The following SLC52A3 variants were observed in gnomAD, a reference collection of about 807,000 sequenced individuals.
SLC52A3 encodes the protein solute carrier family 52 member 3.
A neutral mutation model predicts 29.5 loss-of-function variants in SLC52A3; 20 were observed. That is an observed-to-expected ratio of 0.68 (90% CI 0.48 to 0.99). SLC52A3 has a LOEUF of 0.99. Among genes scored for constraint, SLC52A3 ranks in the 50% least tolerant of loss-of-function variants. The pLI, the probability that SLC52A3 is intolerant of heterozygous loss-of-function variation, is 0.00. For missense variants in SLC52A3, 548 were observed against 612.9 expected (o/e 0.89, Z 1.12); for synonymous variants, 301 against 271.0 (o/e 1.11, Z -1.09).
upstream of SLC52A3, among the ~76,000 whole-genome samples, chr20:772,405 G>A (rs908357017): frequency 1.3e-5 from 2 of 152,218 alleles, no homozygotes; most frequent in African/African-American, 4.8e-5. Flanking sequence ...TTCCTCAAAA[G>A]TGAGGTGTGC....
upstream of SLC52A3, among the ~76,000 whole-genome samples, chr20:777,489 C>CG (rs1473633620): frequency 2.0e-5 from 3 of 152,106 alleles, no homozygotes; most frequent in Non-Finnish European, 4.4e-5. Flanking sequence ...CACAGTGCTA[C>CG]GGCCTGTAAG....
chr20:774,300 C>T (rs1204248082), intron 1 of SLC52A3, among the ~76,000 whole-genome samples: 1 of 152,204 alleles, frequency 6.6e-6, no homozygotes, highest in Non-Finnish European at 1.5e-5. Flanking sequence ...CTGGATACAT[C>T]TCACTCCTGG....
Position 761,176 on chromosome 20 carries a change from G to T in SLC52A3, c.1260C>A (p.Val420=), listed in dbSNP as rs1412121788. 13 of 1,573,192 alleles carry T rather than the reference G, an allele frequency of 8.3e-6. No individual in the cohort carries two copies. Among genetic ancestry groups the T allele is most frequent in the African/African-American group, 1.4e-5 (1 of 73,848 alleles). ...GGGCGCTGCGGCTGAGGTCGCGCAGGACCACGCCCAGCATCACCTTGACGT... is the reference window on the plus strand; with the variant it reads ...GGGCGCTGCGGCTGAGGTCGCGCAGTACCACGCCCAGCATCACCTTGACGT... ...LSYVKVMLGV[V]LRDLSRSALL... is the part of the protein sequence containing the mutation. The change falls in exon 5 of 5, where the codon GTC becomes GTA. Residue 420 remains valine, a synonymous_variant. Transcript: ENST00000645534.
At chr20:777,245 AAAAC>A (rs777785589), upstream of SLC52A3, among the ~76,000 whole-genome samples, 74 of 126,176 alleles carry the variant, frequency 5.9e-4, no homozygotes, top group South Asian at 3.3e-3. Flanking sequence ...CAATAAAACA[AAAAC>A]AAACAAACAA....
upstream of SLC52A3, among the ~76,000 whole-genome samples, chr20:770,287 G>C (rs1986810304): frequency 6.6e-6 from 1 of 151,950 alleles, no homozygotes; most frequent in South Asian, 2.1e-4. The surrounding 1 kb of genome is among the most constrained non-coding windows in gnomAD (Gnocchi z 4.5). Context: ...CTCCTTAGTA[G>C]CTGGGATTAC....
chr20:765,992 CA>C lies in SLC52A3; in HGVS notation c.-51-168del. On this transcript the variant is annotated intron_variant, in intron 1 of 4. Coordinates refer to ENST00000645534, the MANE Select transcript of SLC52A3 (RefSeq NM_033409.4). The surrounding 1 kb of genome is among the most constrained non-coding windows in gnomAD (Gnocchi z 6.6). The stretch of plus-strand genomic sequence containing the variant: ...CACTCTTTTAGTCCAGGCTGGAGTG[CA>C]ATGGGATGATCTCGGCTCAGTGACC... The C allele has an allele frequency of 1.7e-6, 1 of 580,874 alleles. No homozygotes were observed. The highest frequency in any genetic ancestry group is 3.1e-6 in the Non-Finnish European group (1 of 326,766). 36.0% of individuals were successfully genotyped at this position (580,874 alleles called of 1,614,324 possible). A position where few individuals can be genotyped will look rare whatever the true frequency, so the allele number is the denominator to read the frequency against.
chr20:775,453 AT>A (rs1986985982), intron 1 of SLC52A3, among the ~76,000 whole-genome samples: 1 of 151,522 alleles, frequency 6.6e-6, no homozygotes, highest in Admixed American at 6.6e-5. Context: ...TAATTTTTGT[AT>A]TTTTTGTATA....
upstream of SLC52A3, among the ~76,000 whole-genome samples, chr20:776,336 G>C (rs951555465): frequency 6.6e-6 from 1 of 152,206 alleles, no homozygotes; most frequent in Non-Finnish European, 1.5e-5. Flanking sequence ...GCTTCAGTAA[G>C]TCATGTGGAA....
chr20:765,643 G>T lies in SLC52A3; in HGVS notation c.132C>A (p.Leu44=). 1 of 1,610,906 alleles carries T rather than the reference G, an allele frequency of 6.2e-7. No homozygotes were observed. Among genetic ancestry groups the T allele is most frequent in the Non-Finnish European group, 8.5e-7 (1 of 1,178,984 alleles). The change falls in exon 2 of 5, where the codon CTC becomes CTA. Residue 44 remains leucine (L), a synonymous_variant. Transcript: ENST00000645534. The surrounding 1 kb of genome is among the most constrained non-coding windows in gnomAD (Gnocchi z 6.6). ...LPEGWYLPSY[L]TVVIQLANIG... is the part of the protein sequence containing the mutation. ...TGTTGGCCAGCTGGATGACCACCGT[G>T]AGGTAGGAGGGCAGGTACCAGCCCT...
chr20:767,421 T>C (rs553521989), intron 1 of SLC52A3, among the ~76,000 whole-genome samples: 2 of 151,802 alleles, frequency 1.3e-5, no homozygotes, highest in Non-Finnish European at 2.9e-5. Flanking sequence ...AGTGGCACAA[T>C]CTCAGCTCAC....
upstream of SLC52A3, among the ~76,000 whole-genome samples, chr20:771,669 G>GAAAAAAAAAAAAA: frequency 7.8e-6 from 1 of 128,626 alleles, no homozygotes; most frequent in South Asian, 2.6e-4. Context: ...GCAGAGATAT[G>GAAAAAAAAAAAAA]AAAAAAAAAA....
Position 765,971 on chromosome 20 carries a change from C to T in SLC52A3, c.-51-146G>A, listed in dbSNP as rs1452964002. On this transcript the variant is annotated intron_variant, in intron 1 of 4. Coordinates refer to ENST00000645534, the MANE Select transcript of SLC52A3 (RefSeq NM_033409.4). This position sits in a 1 kb window ranked among gnomAD's most constrained non-coding sequence, Gnocchi z 6.6. ...TTTTCCTTTGAGACATAGTTTCACT[C>T]TTTTAGTCCAGGCTGGAGTGCAATG... 5.0e-6 allele frequency: 3 copies of T among 605,352 alleles called. No individual in the cohort carries two copies. The African/African-American group carries it at 5.6e-5, about 11-fold the overall frequency. 37.5% of individuals were successfully genotyped at this position (605,352 alleles called of 1,614,324 possible).
In SLC52A3 at chr20:762,845, T is replaced by C. The variant is rs547730494; in HGVS notation, c.1073+653A>G. The stretch of plus-strand genomic sequence containing the variant: ...GCAGGCCAGCGTGGATACGAGGCTG[T>C]AGGACCCACCTCAAATGTCAAGATC... On this transcript the variant is annotated intron_variant, in intron 3 of 4. Coordinates refer to ENST00000645534, the MANE Select transcript of SLC52A3 (RefSeq NM_033409.4). Among the ~76,000 whole-genome samples the C allele has an allele frequency of 3.3e-5, 5 of 152,244 alleles. No homozygotes were observed. The South Asian group carries it at 1.0e-3, about 32-fold the overall frequency.
At chr20:769,349 T>C (rs1173835793), upstream of SLC52A3, among the ~76,000 whole-genome samples, 1 of 152,174 alleles carries the variant, frequency 6.6e-6, no homozygotes, top group Non-Finnish European at 1.5e-5. Flanking sequence ...AGCTCTCCCC[T>C]GCGGTAACAT....
chr20:776,767 C>T (rs922786818), upstream of SLC52A3, among the ~76,000 whole-genome samples: 6 of 151,214 alleles, frequency 4.0e-5, no homozygotes, highest in East Asian at 1.2e-3. Flanking sequence ...TTGGGGGTGG[C>T]CAGGTAACAG....
chr20:768,120 T>C (rs1236725803), intron 1 of SLC52A3, among the ~76,000 whole-genome samples, 177 bp downstream of exon 1: 1 of 152,240 alleles, frequency 6.6e-6, no homozygotes, highest in African/African-American at 2.4e-5. Context: ...GGTGAGTTTA[T>C]GCTGTTTCCA....
At chr20:769,660 G>T (rs377147555), upstream of SLC52A3, among the ~76,000 whole-genome samples, 1 of 152,188 alleles carries the variant, frequency 6.6e-6, no homozygotes, top group Non-Finnish European at 1.5e-5. Flanking sequence ...ACTTTGGGAG[G>T]ATGAGGCGGG....
rs1401876165 is a variant in SLC52A3, at chr20:761,137, C to A, written c.1299G>T (p.Gly433=). Residue 433 remains glycine (G), a synonymous_variant, in exon 5 of 5, where the codon GGG becomes GGT. Coordinates refer to ENST00000645534, the MANE Select transcript of SLC52A3 (RefSeq NM_033409.4). ...DLSRSALLWC[G]AAVQLGSLLG... is the part of the protein sequence containing the mutation. ...GCAGCGAGCCCAGCTGCACCGCCGCCCCGCACCACAAGAGGGCGCTGCGGC... is the reference window on the plus strand; with the variant it reads ...GCAGCGAGCCCAGCTGCACCGCCGCACCGCACCACAAGAGGGCGCTGCGGC... The A allele has an allele frequency of 6.3e-7, 1 of 1,592,918 alleles. No homozygotes were observed. Among genetic ancestry groups the A allele is most frequent in the South Asian group, 1.1e-5 (1 of 87,904 alleles).
Position 763,635 on chromosome 20 carries a change from C to A in SLC52A3, c.936G>T (p.Ala312=). The A allele has an allele frequency of 3.7e-6, 6 of 1,614,160 alleles. No homozygotes were observed. The highest frequency in any genetic ancestry group is 5.1e-6 in the Non-Finnish European group (6 of 1,180,022). ...CAGAGGGCAGCATGCCGTTGGTGAG[C>A]GCGTTGACGAAGGCCACCAGGGTAT... ...FIYTLVAFVN[A]LTNGMLPSVQ... Residue 312 remains alanine, a synonymous_variant, in exon 3 of 5, where the codon GCG becomes GCT. Transcript: ENST00000645534.
Sources: gnomAD v4.1 joint callset for allele counts (sites outside exome capture counted in the v4.1 genomes callset) on GRCh38, gnomAD v4.1.1 for gene constraint, Gnocchi (gnomAD v3.1) non-coding constraint, MANE v1.5 for transcripts, NCBI Gene and HGNC (gene_info 2026-07-23, HGNC 2026-07-21) for gene names.